ITPR2: variants seen among roughly 807,000 people sequenced by gnomAD.
ITPR2 encodes the protein inositol 1,4,5-trisphosphate receptor type 2.
In ITPR2, 207 loss-of-function variants were observed where a neutral mutation model predicts 317.1. The observed-to-expected ratio is 0.65, with a 90% CI of 0.58 to 0.73. The LOEUF (loss-of-function observed/expected upper bound fraction) is 0.73. Among genes scored for constraint, ITPR2 ranks in the 30% least tolerant of loss-of-function variants. The pLI, the probability that ITPR2 is intolerant of heterozygous loss-of-function variation, is 0.00. For missense variants in ITPR2, 2,613 were observed against 3,284.0 expected (o/e 0.80, Z 4.99); for synonymous variants, 1,156 against 1,149.1 (o/e 1.01, Z -0.12).
chr12:26,547,979 G>C (rs1437533606), intron 37 of ITPR2, among the ~76,000 whole-genome samples: 2 of 152,198 alleles, frequency 1.3e-5, no homozygotes, highest in Admixed American at 1.3e-4. Flanking sequence ...CAAAGAGGAA[G>C]GAGTTCCAAT....
intron 36 of ITPR2, among the ~76,000 whole-genome samples, chr12:26,551,996 G>A (rs962406253): frequency 4.6e-5 from 7 of 152,306 alleles, no homozygotes; most frequent in Admixed American, 6.5e-5. Flanking sequence ...TGATGGCAGC[G>A]GGAAAGATGA....
intron 1 of ITPR2, among the ~76,000 whole-genome samples, chr12:26,801,478 C>A (rs1343289396): frequency 6.6e-6 from 1 of 152,206 alleles, no homozygotes; most frequent in Non-Finnish European, 1.5e-5. Context: ...ATGCCTGGAA[C>A]CAAGATGCTG....
At chr12:26,517,771 G>A (rs889443218) in intron 37 of ITPR2, among the ~76,000 whole-genome samples, 1 of 152,240 alleles carries the variant, frequency 6.6e-6, no homozygotes, top group Non-Finnish European at 1.5e-5. Context: ...CCAGGAGGCA[G>A]AGATTGCAGT....
chr12:26,562,146 C>T (rs1322707912), intron 34 of ITPR2, among the ~76,000 whole-genome samples, 194 bp from the exon 35 acceptor site: 1 of 152,156 alleles, frequency 6.6e-6, no homozygotes, highest in Non-Finnish European at 1.5e-5. Context: ...AAAGTGGGTT[C>T]ATGAAACATT....
At chr12:26,705,305 A>G (rs1438402684) in intron 9 of ITPR2, among the ~76,000 whole-genome samples, 1 of 152,188 alleles carries the variant, frequency 6.6e-6, no homozygotes, top group African/African-American at 2.4e-5. Flanking sequence ...CATTCTTGCC[A>G]GCTGATGTAA....
intron 45 of ITPR2, among the ~76,000 whole-genome samples, chr12:26,466,001 T>C (rs1298804953): frequency 6.6e-6 from 1 of 152,230 alleles, no homozygotes; most frequent in Non-Finnish European, 1.5e-5. Context: ...AAGTCTATTT[T>C]CTGTGATTTA....
At chr12:26,682,195 C>T (rs1285719548) in intron 12 of ITPR2, among the ~76,000 whole-genome samples, 161 bp from the exon 13 acceptor site, 2 of 152,174 alleles carry the variant, frequency 1.3e-5, no homozygotes, top group African/African-American at 4.8e-5. Flanking sequence ...TGCAGGGACA[C>T]AGAGATTTCC....
chr12:26,578,834 C>G lies in ITPR2; in HGVS notation c.4510-1G>C, dbSNP rs777557444. ...GCTGAATAAAAACTGGCTGATGTGT[C>G]TAAAACCAGAAAGAAGGTAGGCAAA... On this transcript the variant is annotated splice_acceptor_variant, in intron 33 of 56. Transcript: ENST00000381340. LOFTEE classifies it high-confidence loss of function. 4 of 1,602,570 alleles carry G rather than the reference C, an allele frequency of 2.5e-6. No individual in the cohort carries two copies. Among genetic ancestry groups the G allele is most frequent in the Non-Finnish European group, 3.4e-6 (4 of 1,171,722 alleles).
At position 26,709,500 on chromosome 12, in the gene ITPR2, T is replaced by C. The variant is rs538788985; in HGVS notation, c.951+1673A>G. Among the ~76,000 whole-genome samples, 159 of 152,350 alleles carry C rather than the reference T, an allele frequency of 1.0e-3. 1 individual carries two copies. Among genetic ancestry groups the C allele is most frequent in the African/African-American group, 3.6e-3 (148 of 41,582 alleles). ...CATTTTTAATTAATTCGTGTATATATTGAAGTCTTGGATCCTCACTAAGGT... is the reference window on the plus strand; with the variant it reads ...CATTTTTAATTAATTCGTGTATATACTGAAGTCTTGGATCCTCACTAAGGT... On this transcript the variant is annotated intron_variant, in intron 9 of 56. Coordinates refer to ENST00000381340, the MANE Select transcript of ITPR2 (RefSeq NM_002223.4).
chr12:26,638,709 A>G (rs1268085782), intron 21 of ITPR2, among the ~76,000 whole-genome samples: 1 of 152,208 alleles, frequency 6.6e-6, no homozygotes, highest in Non-Finnish European at 1.5e-5. Context: ...AGTCAGAGAT[A>G]GCATGTTTCT....
chr12:26,437,854 T>A (rs1592023285), intron 47 of ITPR2, among the ~76,000 whole-genome samples: 2 of 152,300 alleles, frequency 1.3e-5, no homozygotes, highest in South Asian at 4.1e-4. Flanking sequence ...CAGGCTGGAG[T>A]GCAGTGTTGC....
chr12:26,495,176 A>G lies in ITPR2; in HGVS notation c.5158T>C (p.Tyr1720His). 6.2e-7 allele frequency: 1 copy of G among 1,601,886 alleles called. No homozygotes were observed. Among genetic ancestry groups the G allele is most frequent in the Non-Finnish European group, 8.6e-7 (1 of 1,168,816 alleles). ...IGVNGHLSGA[Y>H]SKTAQVGGSF... ...CCTCCCACCTGTGCAGTTTTGGAGTAGGCTCCTGATAGGTGTCCATTCACA... is the reference window on the plus strand; with the variant it reads ...CCTCCCACCTGTGCAGTTTTGGAGTGGGCTCCTGATAGGTGTCCATTCACA... The change falls in exon 38 of 57, where the codon TAC becomes CAC. Residue 1720 changes from tyrosine to histidine, a missense_variant. Physicochemically the swap from Tyr to His is moderately conservative, Grantham distance 83. Transcript: ENST00000381340.
At chr12:26,810,158 G>T (rs1466690880) in intron 1 of ITPR2, among the ~76,000 whole-genome samples, 1 of 152,140 alleles carries the variant, frequency 6.6e-6, no homozygotes, top group Non-Finnish European at 1.5e-5. Flanking sequence ...GTCTGTGATG[G>T]GCACATGACT....
At chr12:26,403,747 A>G (rs1447970834) in intron 52 of ITPR2, among the ~76,000 whole-genome samples, 6 of 152,224 alleles carry the variant, frequency 3.9e-5, no homozygotes, top group Admixed American at 3.9e-4. Context: ...AAGTAGTAGA[A>G]TCGAGTTTGC....
At chr12:26,806,079 AAT>A (rs1313188083) in intron 1 of ITPR2, among the ~76,000 whole-genome samples, 2 of 152,198 alleles carry the variant, frequency 1.3e-5, no homozygotes, top group African/African-American at 4.8e-5. Flanking sequence ...AGGGTCCATA[AAT>A]ATGTTTCTCA....
At chr12:26,351,559 T>C (rs145416021) in intron 55 of ITPR2, among the ~76,000 whole-genome samples, 22 of 152,186 alleles carry the variant, frequency 1.4e-4, no homozygotes, top group Non-Finnish European at 2.8e-4. Context: ...GAGATTGAGG[T>C]AGGAGGACTG....
In ITPR2 at chr12:26,338,072, AGAG is replaced by A. The variant is rs775310432; in HGVS notation, c.*1322_*1324del. 2.6e-5 allele frequency: 4 copies of A among 152,298 alleles called. No homozygotes were observed. Among genetic ancestry groups the A allele is most frequent in the South Asian group, 4.1e-4 (2 of 4,828 alleles). The allele number at this position is 152,298 out of a possible 1,614,324, so 9.4% of individuals were successfully genotyped here. On this transcript the variant is annotated 3_prime_UTR_variant, in exon 57 of 57. Coordinates refer to ENST00000381340, the MANE Select transcript of ITPR2 (RefSeq NM_002223.4). Reference sequence around the variant, plus strand: ...AGGCAGTGTTTTGTTCCTGTGGGGGAGAGGCCAGGTCAACTTGCAGAGTATCTC... The same window carrying A: ...AGGCAGTGTTTTGTTCCTGTGGGGGAGCCAGGTCAACTTGCAGAGTATCTC...
intron 54 of ITPR2, among the ~76,000 whole-genome samples, chr12:26,389,979 C>T (rs1206465792): frequency 1.3e-5 from 2 of 152,146 alleles, no homozygotes; most frequent in African/African-American, 4.8e-5. Flanking sequence ...CACCAACGGT[C>T]CCAAAAGCTC....
chr12:26,494,420 A>C, intron 38 of ITPR2, 80 bp from the exon 39 acceptor site: 2 of 871,148 alleles, frequency 2.3e-6, no homozygotes, highest in Non-Finnish European at 3.3e-6. Flanking sequence ...CTTAAATTTT[A>C]TTATTTTAAT....
Sources: gnomAD v4.1 joint callset for allele counts (sites outside exome capture counted in the v4.1 genomes callset) on GRCh38, gnomAD v4.1.1 for gene constraint, MANE v1.5 for transcripts, NCBI Gene and HGNC (gene_info 2026-07-23, HGNC 2026-07-21) for gene names.